ZNF292: variants seen among roughly 807,000 people sequenced by gnomAD.
ZNF292 encodes 16 zinc-finger domain protein.
In ZNF292, 26 loss-of-function variants were observed where a neutral mutation model predicts 217.9. The ratio of observed to expected loss-of-function variants is 0.12; its 90% CI spans 0.09 to 0.17. ZNF292 has a LOEUF of 0.17. ZNF292 is among the 10% of genes least tolerant of loss of function. The pLI, the probability that ZNF292 is intolerant of heterozygous loss-of-function variation, is 1.00. For missense variants in ZNF292, 2,904 were observed against 3,175.2 expected (o/e 0.91, Z 2.05); for synonymous variants, 1,257 against 1,124.1 (o/e 1.12, Z -2.37).
intron 1 of ZNF292, among the ~76,000 whole-genome samples, chr6:87,212,496 T>C (rs928666303): frequency 6.6e-6 from 1 of 152,214 alleles, no homozygotes; most frequent in Non-Finnish European, 1.5e-5. Context: ...CTCCTCAGCC[T>C]AATGTTATCT....
intron 1 of ZNF292, among the ~76,000 whole-genome samples, chr6:87,211,983 A>G (rs1001679064): frequency 4.6e-5 from 7 of 152,174 alleles, no homozygotes; most frequent in Admixed American, 3.9e-4. Flanking sequence ...TAATGGGGAA[A>G]AAAGTGTAGG....
intron 1 of ZNF292, among the ~76,000 whole-genome samples, chr6:87,159,144 G>A (rs976263257): frequency 1.3e-5 from 2 of 152,194 alleles, no homozygotes; most frequent in South Asian, 4.1e-4. Flanking sequence ...TTATTTTTGA[G>A]TGAGGTAGAA....
chr6:87,209,564 C>T (rs1482795917), intron 1 of ZNF292, among the ~76,000 whole-genome samples: 1 of 152,116 alleles, frequency 6.6e-6, no homozygotes, highest in Non-Finnish European at 1.5e-5. Flanking sequence ...GTGGAGTTTT[C>T]CAAAGTTTAC....
intron 1 of ZNF292, among the ~76,000 whole-genome samples, chr6:87,163,407 C>T (rs940195173): frequency 2.5e-4 from 38 of 151,694 alleles, no homozygotes; most frequent in African/African-American, 9.0e-4. Context: ...GCCACGATGG[C>T]GCCACTGCAC....
intron 1 of ZNF292, among the ~76,000 whole-genome samples, chr6:87,178,184 T>G (rs773039465): frequency 6.7e-6 from 1 of 150,314 alleles, no homozygotes; most frequent in Non-Finnish European, 1.5e-5. Context: ...TTTATTGAAC[T>G]GTGTATGTTT....
chr6:87,219,446 G>C (rs996224519), intron 4 of ZNF292, among the ~76,000 whole-genome samples: 15 of 152,080 alleles, frequency 9.9e-5, no homozygotes, highest in African/African-American at 3.6e-4. Flanking sequence ...ACCACTGTAA[G>C]CTTCTTCCGT....
rs552441138 is a variant in ZNF292 at position 87,256,710 on chromosome 6, C to G, written c.3081C>G (p.Asn1027Lys). 3 of 1,612,934 alleles carry G rather than the reference C, an allele frequency of 1.9e-6. No individual in the cohort carries two copies. The highest frequency in any genetic ancestry group is 2.2e-5 in the South Asian group (2 of 91,072). The change falls in exon 8 of 8, where the codon AAC (asparagine) becomes AAG (lysine). Residue 1027 changes from asparagine to lysine, a missense_variant. Coordinates refer to ENST00000369577, the MANE Select transcript of ZNF292 (RefSeq NM_015021.3). ...TPQNLERQVNNLMTFSVQNQA... is the reference protein window; with the variant it reads ...TPQNLERQVNKLMTFSVQNQA... The stretch of plus-strand genomic sequence containing the variant: ...AAAACTTAGAAAGACAAGTGAACAA[C>G]TTGATGACCTTTTCTGTGCAAAATC...
rs1562197573 is a variant in ZNF292, at chr6:87,261,800, G to A, written c.8171G>A (p.Ter2724=). 7 of 1,580,988 alleles carry A rather than the reference G, an allele frequency of 4.4e-6. No homozygotes were observed. Among genetic ancestry groups the A allele is most frequent in the Non-Finnish European group, 5.2e-6 (6 of 1,160,468 alleles). ...IGKATGRGQY[*] ...AAAGCCACAGGCAGAGGTCAGTACT[G>A]ATAATTAATGTAGTATAAATACATC... is the stretch of plus-strand genomic sequence containing the variant. The change falls in exon 8 of 8, where the codon TGA becomes TAA. Residue 2724 remains the stop codon, a stop_retained_variant. Transcript: ENST00000369577.
At chr6:87,242,659 A>T (rs1582487010) in intron 5 of ZNF292, among the ~76,000 whole-genome samples, 1 of 152,344 alleles carries the variant, frequency 6.6e-6, no homozygotes, top group East Asian at 1.9e-4. Context: ...ATTCTGTGGA[A>T]CACTGGTAAT....
intron 5 of ZNF292, among the ~76,000 whole-genome samples, chr6:87,242,737 G>A (rs1774357529): frequency 6.6e-6 from 1 of 152,132 alleles, no homozygotes; most frequent in African/African-American, 2.4e-5. Context: ...CACAGGTAAA[G>A]TCTGTTCGTT....
intron 1 of ZNF292, chr6:87,173,268 A>G (rs1457237461): frequency 6.6e-6 from 1 of 152,216 alleles, no homozygotes; most frequent in African/African-American, 2.4e-5. Flanking sequence ...GATGTACACT[A>G]GCATTCCATA....
intron 1 of ZNF292, among the ~76,000 whole-genome samples, chr6:87,180,330 G>A (rs1219391153): frequency 2.0e-5 from 3 of 152,240 alleles, no homozygotes; most frequent in Admixed American, 2.0e-4. Flanking sequence ...AGTGCACAAG[G>A]GCGGGCTTAT....
At chr6:87,166,318 T>TA (rs1244828969) in intron 1 of ZNF292, among the ~76,000 whole-genome samples, 1 of 152,232 alleles carries the variant, frequency 6.6e-6, no homozygotes, top group East Asian at 1.9e-4. Context: ...TTTGCAGTGT[T>TA]ACAATAGTGG....
intron 1 of ZNF292, among the ~76,000 whole-genome samples, chr6:87,209,857 A>G (rs1402068043): frequency 6.6e-6 from 1 of 152,218 alleles, no homozygotes; most frequent in African/African-American, 2.4e-5. Context: ...TGGGATCCTC[A>G]GTAATTTTTA....
chr6:87,226,869 G>A (rs932043524), intron 4 of ZNF292, among the ~76,000 whole-genome samples: 5 of 151,564 alleles, frequency 3.3e-5, no homozygotes, highest in Admixed American at 6.6e-5. Context: ...TAGTGGAGAC[G>A]GGGTTTCACT....
chr6:87,158,037 C>T (rs966343169), intron 1 of ZNF292, among the ~76,000 whole-genome samples: 4 of 152,138 alleles, frequency 2.6e-5, no homozygotes, highest in African/African-American at 9.7e-5. Context: ...ATGAGTGAAA[C>T]AGCATTTTAA....
At chr6:87,240,005 G>C (rs187662020) in intron 5 of ZNF292, among the ~76,000 whole-genome samples, 2 of 152,114 alleles carry the variant, frequency 1.3e-5, no homozygotes, top group Non-Finnish European at 2.9e-5. Flanking sequence ...GCAGGCGGCT[G>C]GGAGGTGGAG....
rs1461817671 is a variant in ZNF292 at position 87,264,171 on chromosome 6, T to C, written c.*2370T>C. On this transcript the variant is annotated 3_prime_UTR_variant, in exon 8 of 8. Coordinates refer to ENST00000369577, the MANE Select transcript of ZNF292 (RefSeq NM_015021.3). ...AATGTAATGTCTAAGTATTAAAAAA[T>C]CATAAAATATATTTTTTTCATGGTA... 1 of 152,174 alleles carries C rather than the reference T, an allele frequency of 6.6e-6. No homozygotes were observed. Among genetic ancestry groups the C allele is most frequent in the African/African-American group, 2.4e-5 (1 of 41,450 alleles). The allele number at this position is 152,174 out of a possible 1,614,324, so 9.4% of individuals were successfully genotyped here. A position where few individuals can be genotyped will look rare whatever the true frequency, so the allele number is the denominator to read the frequency against.
chr6:87,261,136 C>G lies in ZNF292; in HGVS notation c.7507C>G (p.Gln2503Glu), dbSNP rs1131691860. The G allele has an allele frequency of 6.2e-7, 1 of 1,612,758 alleles. No homozygotes were observed. Among genetic ancestry groups the G allele is most frequent in the South Asian group, 1.1e-5 (1 of 90,926 alleles). ...INEDSTSVETQANTSSNVSND... is the reference protein window; with the variant it reads ...INEDSTSVETEANTSSNVSND... Reference sequence around the variant, plus strand: ...TGAAGATAGCACAAGTGTAGAGACCCAAGCTAATACTTCTTCAAATGTAAG... The same window carrying G: ...TGAAGATAGCACAAGTGTAGAGACCGAAGCTAATACTTCTTCAAATGTAAG... Residue 2503 changes from glutamine (Q) to glutamate (E), a missense_variant, in exon 8 of 8, where the codon CAA (glutamine) becomes GAA (glutamate). Transcript: ENST00000369577.
Sources: gnomAD v4.1 joint callset for allele counts (sites outside exome capture counted in the v4.1 genomes callset) on GRCh38, gnomAD v4.1.1 for gene constraint, MANE v1.5 for transcripts, NCBI Gene and HGNC (gene_info 2026-07-23, HGNC 2026-07-21) for gene names.